Variants in DENND1B observed in about 807,000 individuals in gnomAD.
DENND1B encodes DENN domain containing 1B, also known as DENN domain-containing protein 1B.
DENND1B carries 59 observed loss-of-function variants against 90.1 expected under a neutral mutation model. The ratio of observed to expected loss-of-function variants is 0.65; its 90% CI spans 0.53 to 0.81. The LOEUF (loss-of-function observed/expected upper bound fraction) is 0.81, where lower values mean the gene tolerates loss of function less well. Among genes scored for constraint, DENND1B ranks in the 40% least tolerant of loss-of-function variants. DENND1B has a pLI of 0.00. For missense variants in DENND1B, 862 were observed against 912.6 expected (o/e 0.94, Z 0.71); for synonymous variants, 337 against 324.6 (o/e 1.04, Z -0.41).
At chr1:197,626,940 A>C (rs570197606) in intron 10 of DENND1B, among the ~76,000 whole-genome samples, 168 of 152,290 alleles carry the variant, frequency 1.1e-3, no homozygotes, top group African/African-American at 2.9e-3. Context: ...GAAATGGATA[A>C]ATTCCTCGAC....
At chr1:197,575,201 G>C (rs575112793) in intron 15 of DENND1B, among the ~76,000 whole-genome samples, 5 of 151,608 alleles carry the variant, frequency 3.3e-5, no homozygotes, top group Non-Finnish European at 7.4e-5. Context: ...CTGACAAAGG[G>C]ATAATACCCA....
chr1:197,680,051 G>A (rs1316559593), intron 3 of DENND1B, among the ~76,000 whole-genome samples: 2 of 152,042 alleles, frequency 1.3e-5, no homozygotes, highest in Admixed American at 6.6e-5. Context: ...TCAAGATGTT[G>A]AGGTGGAAGG....
intron 3 of DENND1B, among the ~76,000 whole-genome samples, chr1:197,706,323 G>T (rs143479694): frequency 1.8e-4 from 27 of 152,264 alleles, no homozygotes; most frequent in Non-Finnish European, 3.5e-4. Flanking sequence ...AATGCGTGAA[G>T]CTAGTAGGAC....
At chr1:197,575,521 T>TG (rs1421596849) in intron 15 of DENND1B, among the ~76,000 whole-genome samples, 2 of 152,214 alleles carry the variant, frequency 1.3e-5, no homozygotes, top group Non-Finnish European at 2.9e-5. Flanking sequence ...GAAAAAAGTG[T>TG]GAGGATTCCT....
At chr1:197,750,354 GA>G (rs1275749426) in intron 2 of DENND1B, among the ~76,000 whole-genome samples, 1 of 151,506 alleles carries the variant, frequency 6.6e-6, no homozygotes, top group Non-Finnish European at 1.5e-5. Flanking sequence ...CAAGAGAAGA[GA>G]AAAGCATAAA....
intron 16 of DENND1B, among the ~76,000 whole-genome samples, chr1:197,548,362 G>A (rs1558226858): frequency 6.6e-6 from 1 of 152,130 alleles, no homozygotes; most frequent in Non-Finnish European, 1.5e-5. Flanking sequence ...TCTTTGTGAA[G>A]GATGTGATTT....
intron 10 of DENND1B, among the ~76,000 whole-genome samples, chr1:197,636,205 A>G (rs922613434): frequency 1.4e-4 from 22 of 152,158 alleles, no homozygotes; most frequent in African/African-American, 3.4e-4. Flanking sequence ...ATGGAAAATG[A>G]GAGGTCCAAA....
At chr1:197,522,458 G>T (rs1194216329) in intron 20 of DENND1B, among the ~76,000 whole-genome samples, 1 of 152,016 alleles carries the variant, frequency 6.6e-6, no homozygotes, top group African/African-American at 2.4e-5. Context: ...AGTCCATAGT[G>T]ATTTCAGAAT....
chr1:197,725,263 G>A (rs936869543), intron 2 of DENND1B, among the ~76,000 whole-genome samples: 1 of 152,076 alleles, frequency 6.6e-6, no homozygotes, highest in Non-Finnish European at 1.5e-5. Context: ...TACATCGACA[G>A]CAGACTTCTC....
chr1:197,590,891 A>C (rs920731068), intron 14 of DENND1B, among the ~76,000 whole-genome samples: 17 of 152,128 alleles, frequency 1.1e-4, no homozygotes, highest in African/African-American at 4.1e-4. Flanking sequence ...GTCTTGCTCA[A>C]CTTTGATCTA....
At chr1:197,725,184 A>G (rs1007624312) in intron 2 of DENND1B, among the ~76,000 whole-genome samples, 2 of 152,200 alleles carry the variant, frequency 1.3e-5, no homozygotes, top group Non-Finnish European at 2.9e-5. Context: ...TGCAAAGTAT[A>G]AAAAGATATG....
intron 2 of DENND1B, among the ~76,000 whole-genome samples, chr1:197,719,362 G>A (rs1329794941): frequency 1.3e-5 from 2 of 152,094 alleles, no homozygotes; most frequent in African/African-American, 4.8e-5. Flanking sequence ...AAGACAGGAA[G>A]GTTGGAATTC....
chr1:197,580,079 C>A (rs1048742191), intron 15 of DENND1B, among the ~76,000 whole-genome samples: 5 of 109,878 alleles, frequency 4.6e-5, no homozygotes, highest in Non-Finnish European at 9.3e-5. Flanking sequence ...TCTTTCTTTT[C>A]TTTCTTTCTT....
chr1:197,517,813 C>T (rs79327245), intron 20 of DENND1B, among the ~76,000 whole-genome samples: 1 of 151,736 alleles, frequency 6.6e-6, no homozygotes, highest in Non-Finnish European at 1.5e-5. Context: ...ACTACTAAAC[C>T]GTCTCCTTCT....
chr1:197,746,105 G>C (rs1168034450), intron 2 of DENND1B, among the ~76,000 whole-genome samples: 1 of 152,150 alleles, frequency 6.6e-6, no homozygotes, highest in East Asian at 1.9e-4. Context: ...AGATAAGAAA[G>C]TACAAGGCCA....
chr1:197,714,514 T>C (rs1288993586), intron 3 of DENND1B, among the ~76,000 whole-genome samples: 1 of 152,114 alleles, frequency 6.6e-6, no homozygotes, highest in Admixed American at 6.6e-5. Context: ...TAGTCTTGCA[T>C]GCCATATTTT....
chr1:197,775,073 C>T (rs1441796697), intron 1 of DENND1B, 66 bp downstream of exon 1: 11 of 1,113,102 alleles, frequency 9.9e-6, no homozygotes, highest in Non-Finnish European at 9.1e-6. Context: ...GCGGAGGAGC[C>T]GAGCTGGCCT....
intron 2 of DENND1B, among the ~76,000 whole-genome samples, chr1:197,753,743 A>G (rs985605537): frequency 3.3e-5 from 5 of 152,068 alleles, no homozygotes; most frequent in Non-Finnish European, 7.3e-5. Context: ...GCTCACGCCT[A>G]TAATCCCAAC....
At chr1:197,768,265 C>CCTA (rs1229424377) in intron 2 of DENND1B, among the ~76,000 whole-genome samples, 13 of 151,638 alleles carry the variant, frequency 8.6e-5, no homozygotes, top group African/African-American at 2.7e-4. Flanking sequence ...TCCTCCTCCT[C>CCTA]CTCCTCCTCC....
Sources: allele counts gnomAD v4.1 joint callset (sites outside exome capture counted in the v4.1 genomes callset), GRCh38; gene constraint gnomAD v4.1.1; transcripts MANE v1.5; gene names NCBI Gene and HGNC (gene_info 2026-07-23, HGNC 2026-07-21).